The following DMD variants were observed in gnomAD, a reference collection of about 807,000 sequenced individuals.
DMD encodes the protein dystrophin.
A neutral mutation model predicts 330.1 loss-of-function variants in DMD; 63 were observed. That is an observed-to-expected ratio of 0.19 (90% CI 0.16 to 0.24). The LOEUF (loss-of-function observed/expected upper bound fraction) is 0.24, where lower values mean the gene tolerates loss of function less well. Among genes scored for constraint, DMD ranks in the 10% least tolerant of loss-of-function variants. The pLI, the probability that DMD is intolerant of heterozygous loss-of-function variation, is 1.00. For synonymous variants in DMD, 1,223 were observed against 959.8 expected (o/e 1.27, Z -5.07); for missense variants, 3,344 against 2,684.1 (o/e 1.25, Z -5.43).
intron 44 of DMD, among the ~76,000 whole-genome samples, chrX:32,137,986 G>A (rs773048872): frequency 1.9e-4 from 21 of 109,517 alleles, no homozygotes; most frequent in Non-Finnish European, 7.6e-5. Context: ...GCAGATCTCG[G>A]TGGGCCCAGG....
chrX:32,993,623 T>G (rs1057172942), intron 2 of DMD, among the ~76,000 whole-genome samples: 1 of 108,251 alleles, frequency 9.2e-6, no homozygotes, highest in Admixed American at 9.9e-5. Flanking sequence ...AAAAAACAAA[T>G]AGAAAAGAAT....
At chrX:31,274,609 C>T (rs746778859) in intron 62 of DMD, among the ~76,000 whole-genome samples, 5 of 112,271 alleles carry the variant, frequency 4.5e-5, no homozygotes, top group Non-Finnish European at 9.4e-5. Flanking sequence ...CTCTGGCTTA[C>T]TTTTGTCAAG....
At chrX:32,638,925 A>G (rs2059268224) in intron 11 of DMD, among the ~76,000 whole-genome samples, 1 of 111,559 alleles carries the variant, frequency 9.0e-6, no homozygotes, top group Non-Finnish European at 1.9e-5. Context: ...CATATTTGTT[A>G]GATGTATTTT....
chrX:31,499,768 G>C (rs1297441182), intron 56 of DMD, among the ~76,000 whole-genome samples: 1 of 111,763 alleles, frequency 8.9e-6, no homozygotes, highest in Non-Finnish European at 1.9e-5. Flanking sequence ...GTTGGGAGTA[G>C]AGGCGTAAGC....
At chrX:32,778,572 A>G (rs2148517211) in intron 7 of DMD, among the ~76,000 whole-genome samples, 1 of 112,449 alleles carries the variant, frequency 8.9e-6, no homozygotes, top group East Asian at 2.8e-4. Flanking sequence ...TTATTAGACT[A>G]AACTCAAGCA....
chrX:32,080,079 T>C (rs997404379), intron 44 of DMD, among the ~76,000 whole-genome samples: 1 of 112,425 alleles, frequency 8.9e-6, no homozygotes, highest in African/African-American at 3.2e-5. Context: ...TCTCATAATA[T>C]AAGAGGAATC....
chrX:31,487,895 GT>G (rs200085252), intron 57 of DMD, among the ~76,000 whole-genome samples: 5 of 109,299 alleles, frequency 4.6e-5, no homozygotes, highest in Admixed American at 9.8e-5. Context: ...CTGAAATTAT[GT>G]TTTTTTTTTA....
At chrX:33,302,127 A>C (rs2053674100) in intron 1 of DMD, among the ~76,000 whole-genome samples, 1 of 111,630 alleles carries the variant, frequency 9.0e-6, no homozygotes, top group African/African-American at 3.3e-5. Flanking sequence ...GTTCCGTTGC[A>C]ACAGATATGC....
intron 1 of DMD, among the ~76,000 whole-genome samples, chrX:33,219,644 T>C (rs1244349218): frequency 9.0e-6 from 1 of 110,982 alleles, no homozygotes; most frequent in Admixed American, 9.7e-5. Context: ...GCCTGTGTTG[T>C]GAAAATAATG....
chrX:33,208,820 GGAAGGA>G (rs1450063277), intron 1 of DMD, among the ~76,000 whole-genome samples: 4 of 110,659 alleles, frequency 3.6e-5, no homozygotes, highest in African/African-American at 1.3e-4. Flanking sequence ...AATAGAAGGT[GGAAGGA>G]GAAGGAAAGT....
intron 1 of DMD, among the ~76,000 whole-genome samples, chrX:33,195,335 C>G (rs1313657700): frequency 9.0e-6 from 1 of 111,652 alleles, no homozygotes; most frequent in Non-Finnish European, 1.9e-5. Context: ...AGTAATCTGT[C>G]CTCAGACACC....
In DMD at chrX:31,820,048, C is replaced by T. The variant is rs149003002; in HGVS notation, c.7236G>A (p.Ala2412=). ...KLEDLSSEWK[A]VNRLLQELRA... is the part of the protein sequence containing the mutation. The stretch of plus-strand genomic sequence containing the variant: ...TCAGCTCTTGAAGTAAACGGTTTAC[C>T]GCCTTCCACTCAGAGCTCAGATCTT... The change falls in exon 50 of 79, where the codon GCG becomes GCA. Residue 2412 remains alanine, a synonymous_variant. Coordinates refer to ENST00000357033, the MANE Select transcript of DMD (RefSeq NM_004006.3). 3.3e-6 allele frequency: 4 copies of T among 1,211,353 alleles called. No individual in the cohort carries two copies. The highest frequency in any genetic ancestry group is 1.8e-5 in the South Asian group (1 of 56,984).
intron 2 of DMD, among the ~76,000 whole-genome samples, chrX:32,897,915 G>T (rs1383963640): frequency 2.7e-5 from 3 of 111,862 alleles, no homozygotes; most frequent in Non-Finnish European, 5.6e-5. Flanking sequence ...GGGATGTCAG[G>T]CAATAAAGCA....
At chrX:32,708,565 G>A (rs1458474988) in intron 7 of DMD, among the ~76,000 whole-genome samples, 2 of 111,515 alleles carry the variant, frequency 1.8e-5, no homozygotes, top group African/African-American at 3.3e-5. Context: ...CCTTCCAATT[G>A]GCACATAATT....
intron 43 of DMD, among the ~76,000 whole-genome samples, chrX:32,252,881 T>TATATATAAATATATAAATATATAAAA (rs2097280845): frequency 1.3e-5 from 1 of 75,477 alleles, no homozygotes; most frequent in African/African-American, 6.3e-5. Flanking sequence ...TATATAAAAA[T>TATATATAAATATATAAATATATAAAA]ATATATAAAT....
intron 11 of DMD, among the ~76,000 whole-genome samples, chrX:32,639,877 T>C (rs1402948849): frequency 9.1e-6 from 1 of 110,180 alleles, no homozygotes; most frequent in African/African-American, 3.3e-5. Context: ...ACTGAGGCAA[T>C]TAGAAAAGGC....
At chrX:32,949,698 A>T (rs1260523355) in intron 2 of DMD, among the ~76,000 whole-genome samples, 1 of 111,530 alleles carries the variant, frequency 9.0e-6, no homozygotes, top group Non-Finnish European at 1.9e-5. Context: ...ACAATGGTAA[A>T]GAATGAAGAA....
chrX:32,957,023 C>T (rs1415566530), intron 2 of DMD, among the ~76,000 whole-genome samples: 1 of 111,582 alleles, frequency 9.0e-6, no homozygotes, highest in Non-Finnish European at 1.9e-5. Flanking sequence ...ACAGCTAATA[C>T]GTCCCTAAAA....
At chrX:31,591,838 G>C (rs1468740286) in intron 55 of DMD, among the ~76,000 whole-genome samples, 2 of 110,915 alleles carry the variant, frequency 1.8e-5, no homozygotes, top group African/African-American at 6.5e-5. Context: ...TGAGTGAATT[G>C]ACAGATGGTA....
Sources: gnomAD v4.1 joint callset for allele counts (sites outside exome capture counted in the v4.1 genomes callset) on GRCh38, gnomAD v4.1.1 for gene constraint, MANE v1.5 for transcripts, NCBI Gene and HGNC (gene_info 2026-07-23, HGNC 2026-07-21) for gene names.